Variants in ZNF91 observed in about 807,000 individuals in gnomAD.
ZNF91 encodes the protein zinc finger protein 91, also known as zinc finger protein 91 (HPF7, HTF10).
In ZNF91, 7 loss-of-function variants were observed where a neutral mutation model predicts 12.6. That is an observed-to-expected ratio of 0.55 (90% CI 0.31 to 1.04). ZNF91 has a LOEUF of 1.04. Among genes scored for constraint, ZNF91 ranks in the 50% least tolerant of loss-of-function variants. The pLI, the probability that ZNF91 is intolerant of heterozygous loss-of-function variation, is 0.05. For missense variants in ZNF91, 1,217 were observed against 1,385.4 expected, an observed-to-expected ratio of 0.88 and a Z score of 1.93; for synonymous variants, 453 against 462.6, an observed-to-expected ratio of 0.98 and a Z score of 0.27.
chr19:23,353,566 CA>C (rs1253899925), downstream of ZNF91, among the ~76,000 whole-genome samples: 1 of 151,888 alleles, frequency 6.6e-6, no homozygotes, highest in African/African-American at 2.4e-5. Context: ...AAGAACAAAC[CA>C]AACCGAAACC....
intron 3 of ZNF91, among the ~76,000 whole-genome samples, chr19:23,368,181 A>G (rs1008020945): frequency 1.3e-5 from 2 of 151,956 alleles, no homozygotes; most frequent in Admixed American, 6.6e-5. Context: ...GCGCTGGGCG[A>G]CGAGGCCCAG....
At chr19:23,385,349 C>T in intron 1 of ZNF91, 1 of 378,896 alleles carries the variant, frequency 2.6e-6, no homozygotes, top group Non-Finnish European at 4.7e-6. Context: ...ACTAAACTAA[C>T]TGCAGTTGAA....
At chr19:23,390,411 A>G (rs1233672705) in intron 1 of ZNF91, among the ~76,000 whole-genome samples, 1 of 152,166 alleles carries the variant, frequency 6.6e-6, no homozygotes, top group East Asian at 1.9e-4. Context: ...ATAGATGATA[A>G]ACAGCTGTGA....
At chr19:23,368,512 CTCT>C (rs1425222757) in intron 3 of ZNF91, among the ~76,000 whole-genome samples, 1 of 4,188 alleles carries the variant, frequency 2.4e-4, no homozygotes, top group East Asian at 5.8e-3. Context: ...GAAACTCCAT[CTCT>C]CTCTCTCTCT....
At chr19:23,367,839 GATT>G (rs1016236463) in intron 3 of ZNF91, among the ~76,000 whole-genome samples, 3 of 152,106 alleles carry the variant, frequency 2.0e-5, no homozygotes, top group Non-Finnish European at 4.4e-5. Flanking sequence ...ATAAAATAAA[GATT>G]ATTTCCTTAA....
chr19:23,328,769 T>A (rs1038687151), intron 1 of ZNF91: 2 of 152,086 alleles, frequency 1.3e-5, no homozygotes, highest in Non-Finnish European at 2.9e-5. Flanking sequence ...CTCAAATGGA[T>A]TTGATAAAGG....
chr19:23,381,142 G>A (rs1291105168), intron 1 of ZNF91, among the ~76,000 whole-genome samples: 1 of 152,070 alleles, frequency 6.6e-6, no homozygotes, highest in African/African-American at 2.4e-5. Flanking sequence ...ATATAAATAT[G>A]TAATTATGAA....
At chr19:23,312,679 G>T (rs1166270153), upstream of ZNF91, among the ~76,000 whole-genome samples, 1 of 152,114 alleles carries the variant, frequency 6.6e-6, no homozygotes, top group African/African-American at 2.4e-5. Flanking sequence ...CTTCATTCTG[G>T]ACTCAGCTAA....
intron 1 of ZNF91, chr19:23,324,030 TTCCTTGTCCCCTCCTCC>T (rs888177772): frequency 5.4e-5 from 8 of 148,946 alleles, no homozygotes; most frequent in African/African-American, 1.7e-4. Flanking sequence ...TCTTCTCCTC[TTCCTTGTCCCCTCCTCC>T]TCCTTGTCCA....
intron 3 of ZNF91, among the ~76,000 whole-genome samples, chr19:23,343,936 A>ATT (rs1457631009): frequency 6.6e-6 from 1 of 152,200 alleles, no homozygotes; most frequent in Non-Finnish European, 1.5e-5. Context: ...ACCTGTTAAT[A>ATT]ATACAGTTTT....
In ZNF91 at chr19:23,387,454, T is replaced by C. The variant is rs570835789; in HGVS notation, c.30+7871A>G. On this transcript the variant is annotated intron_variant, in intron 1 of 3. Transcript: ENST00000300619. ...TGGTATGATCAGGCACAATGGCTCA[T>C]GCCTGTAATCCCAGCACTTTGAGAG... 2.0e-5 allele frequency among the ~76,000 whole-genome samples: 3 copies of C among 152,320 alleles called. No homozygotes were observed. In the South Asian group the frequency reaches 6.2e-4, roughly 32 times the overall value.
chr19:23,328,324 A>T (rs1208155723), intron 1 of ZNF91: 1 of 152,208 alleles, frequency 6.6e-6, no homozygotes, highest in Admixed American at 6.5e-5. Context: ...GCCAGGATGC[A>T]GGTCAAGGAA....
intron 3 of ZNF91, among the ~76,000 whole-genome samples, chr19:23,363,456 A>G (rs1053229965): frequency 1.3e-5 from 2 of 152,370 alleles, no homozygotes; most frequent in East Asian, 3.9e-4. Flanking sequence ...ACAAAGTAAC[A>G]TAAGTAAACA....
intron 1 of ZNF91, among the ~76,000 whole-genome samples, chr19:23,389,158 TA>T (rs200649598): frequency 1.1e-4 from 16 of 145,906 alleles, no homozygotes; most frequent in Non-Finnish European, 1.7e-4. Context: ...AATAGAAGTT[TA>T]AAAAAAAAAA....
chr19:23,369,401 G>T (rs937292046), intron 3 of ZNF91, among the ~76,000 whole-genome samples: 1 of 151,514 alleles, frequency 6.6e-6, no homozygotes, highest in Non-Finnish European at 1.5e-5. Context: ...GTGCGCCTCC[G>T]CCCGGCCGCT....
intron 2 of ZNF91, among the ~76,000 whole-genome samples, 184 bp downstream of exon 2, chr19:23,374,454 G>A (rs188789075): frequency 1.7e-4 from 26 of 148,802 alleles, no homozygotes; most frequent in Non-Finnish European, 2.7e-4. Flanking sequence ...CAGTTACTCC[G>A]GAGGCTGAGT....
chr19:23,380,378 C>T (rs1283715574), intron 1 of ZNF91: 3 of 146,786 alleles, frequency 2.0e-5, no homozygotes, highest in African/African-American at 2.5e-5. Context: ...AATGGGAATG[C>T]GAGCATTATC....
chr19:23,336,985 T>A (rs1599698173), downstream of ZNF91, among the ~76,000 whole-genome samples: 1 of 152,322 alleles, frequency 6.6e-6, no homozygotes, highest in East Asian at 1.9e-4. Context: ...AGTGGTTGTG[T>A]TTAATTTATT....
At position 23,359,258 on chromosome 19, in the gene ZNF91, T is replaced by G. The variant is rs1968600261; in HGVS notation, c.*145A>C. ...TTTTTTTTGAGACGGAGTCTCGCTC[T>G]GTCGCCCAGGCTTGAGTGCAGTGGC... On this transcript the variant is annotated 3_prime_UTR_variant, in exon 4 of 4. Coordinates refer to ENST00000300619, the MANE Select transcript of ZNF91 (RefSeq NM_003430.4). The G allele has an allele frequency of 2.3e-6, 1 of 435,030 alleles. No homozygotes were observed. Among genetic ancestry groups the G allele is most frequent in the Middle Eastern group, 5.7e-4 (1 of 1,748 alleles). 26.9% of individuals were successfully genotyped at this position (435,030 alleles called of 1,614,324 possible).
Sources: allele counts gnomAD v4.1 joint callset (sites outside exome capture counted in the v4.1 genomes callset), GRCh38; gene constraint gnomAD v4.1.1; transcripts MANE v1.5; gene names NCBI Gene and HGNC (gene_info 2026-07-23, HGNC 2026-07-21).